Variants in SUB1 observed in about 807,000 individuals in gnomAD.
The protein encoded by SUB1 is activated RNA polymerase II transcriptional coactivator p15.
In SUB1, 1 loss-of-function variant was observed where a neutral mutation model predicts 16.9. That is an observed-to-expected ratio of 0.06 (90% CI 0.02 to 0.28). SUB1 has a LOEUF of 0.28. SUB1 is among the 10% of genes least tolerant of loss of function. SUB1 has a pLI of 1.00. For synonymous variants in SUB1, 51 were observed against 46.9 expected, an observed-to-expected ratio of 1.09 and a Z score of -0.36; for missense variants, 84 against 145.2, an observed-to-expected ratio of 0.58 and a Z score of 2.16.
At chr5:32,592,804 T>C (rs1348665727) in intron 3 of SUB1, among the ~76,000 whole-genome samples, 3 of 152,110 alleles carry the variant, frequency 2.0e-5, no homozygotes, top group African/African-American at 4.8e-5. Flanking sequence ...TAAAGCTGCC[T>C]ACTGAAGTAT....
chr5:32,594,082 G>A (rs991872287), intron 3 of SUB1, among the ~76,000 whole-genome samples: 2 of 152,138 alleles, frequency 1.3e-5, no homozygotes, highest in Non-Finnish European at 2.9e-5. Context: ...ATTACAGCTT[G>A]ATGTACATCA....
intron 2 of SUB1, among the ~76,000 whole-genome samples, chr5:32,590,647 G>T (rs528858310): frequency 2.0e-5 from 3 of 151,730 alleles, no homozygotes; most frequent in African/African-American, 7.2e-5. Flanking sequence ...CCAGGCTGGA[G>T]TGTAATGGCG....
At chr5:32,587,902 C>A (rs1738714195) in intron 1 of SUB1, among the ~76,000 whole-genome samples, 1 of 152,162 alleles carries the variant, frequency 6.6e-6, no homozygotes, top group South Asian at 2.1e-4. Flanking sequence ...AACCATCGTT[C>A]CCGGCCTGAA....
At chr5:32,591,914 G>A (rs1489611102) in intron 3 of SUB1, among the ~76,000 whole-genome samples, 2 of 152,066 alleles carry the variant, frequency 1.3e-5, no homozygotes, top group Non-Finnish European at 2.9e-5. Flanking sequence ...TGGCCAGGCT[G>A]GTCTTGAACT....
intron 3 of SUB1, chr5:32,598,176 C>T (rs1257340882): frequency 6.6e-6 from 1 of 152,170 alleles, no homozygotes; most frequent in Non-Finnish European, 1.5e-5. Flanking sequence ...CCTCAGCCTC[C>T]TGAGTAGCTG....
At chr5:32,593,034 C>T (rs965626684) in intron 3 of SUB1, among the ~76,000 whole-genome samples, 1 of 151,708 alleles carries the variant, frequency 6.6e-6, no homozygotes, top group African/African-American at 2.4e-5. Context: ...TTTTTTGAGA[C>T]AGGGTCTCTG....
chr5:32,591,848 C>T (rs541610178), intron 3 of SUB1, among the ~76,000 whole-genome samples, 163 bp downstream of exon 3: 66 of 152,148 alleles, frequency 4.3e-4, no homozygotes, highest in South Asian at 2.9e-3. Flanking sequence ...TACAGGCATC[C>T]GCCACCAGAC....
chr5:32,592,109 A>G (rs1015652858), intron 3 of SUB1, among the ~76,000 whole-genome samples: 1 of 152,254 alleles, frequency 6.6e-6, no homozygotes, highest in African/African-American at 2.4e-5. Flanking sequence ...AATCTTCTTA[A>G]CTAGGGACAT....
intron 2 of SUB1, 66 bp from the exon 3 acceptor site, chr5:32,591,497 G>T: frequency 2.0e-6 from 3 of 1,489,964 alleles, no homozygotes; most frequent in South Asian, 2.8e-5. Flanking sequence ...AAAAGTAATG[G>T]GATCTTTTGA....
intron 3 of SUB1, chr5:32,595,193 T>TAAA (rs11441009): frequency 6.0e-4 from 81 of 136,014 alleles, no homozygotes; most frequent in African/African-American, 1.9e-3. Flanking sequence ...CTTTTTTTTT[T>TAAA]AAAAAAAAAA....
chr5:32,601,961 G>T lies in SUB1; in HGVS notation c.*877G>T, dbSNP rs1739124931. On this transcript the variant is annotated 3_prime_UTR_variant, in exon 5 of 5. Coordinates refer to ENST00000265073, the MANE Select transcript of SUB1 (RefSeq NM_006713.4). ...TAATAAAAATTGTGAAAGCTTACTG[G>T]CCTAACATTTTATTTTATAATATTG... is the stretch of plus-strand genomic sequence containing the variant. 6.0e-6 allele frequency: 1 copy of T among 166,680 alleles called. No homozygotes were observed. The highest frequency in any genetic ancestry group is 1.4e-4 in the South Asian group (1 of 7,196). 10.3% of individuals were successfully genotyped at this position (166,680 alleles called of 1,614,324 possible). A position where few individuals can be genotyped will look rare whatever the true frequency, so the allele number is the denominator to read the frequency against.
At chr5:32,587,376 T>C (rs1161303529) in intron 1 of SUB1, among the ~76,000 whole-genome samples, 13 of 152,180 alleles carry the variant, frequency 8.5e-5, no homozygotes, top group Non-Finnish European at 5.9e-5. Context: ...ATAGTTTGCT[T>C]TCTGCAAACT....
chr5:32,587,234 A>C (rs781084249), intron 1 of SUB1, among the ~76,000 whole-genome samples: 17 of 152,222 alleles, frequency 1.1e-4, no homozygotes, highest in Admixed American at 1.1e-3. Context: ...AATAGGACCT[A>C]ATCTCTTCTG....
chr5:32,594,541 T>C (rs949338398), intron 3 of SUB1: 2 of 447,920 alleles, frequency 4.5e-6, no homozygotes, highest in Non-Finnish European at 9.0e-6. Flanking sequence ...AATTGTTTTT[T>C]AATTTGAGTT....
At position 32,601,136 on chromosome 5, in the gene SUB1, C is replaced by G; in HGVS notation, c.*52C>G. 1 of 1,411,646 alleles carries G rather than the reference C, an allele frequency of 7.1e-7. No homozygotes were observed. Among genetic ancestry groups the G allele is most frequent in the East Asian group, 2.3e-5 (1 of 43,088 alleles). The allele number at this position is 1,411,646 out of a possible 1,614,324, so 87.4% of individuals were successfully genotyped here. On this transcript the variant is annotated 3_prime_UTR_variant, in exon 5 of 5. Coordinates refer to ENST00000265073, the MANE Select transcript of SUB1 (RefSeq NM_006713.4). ...TACTGTTCTAGTTGTTTTAATCTGT[C>G]TTTTTACATTGGCTTTTGTTTTCTA...
intron 1 of SUB1, among the ~76,000 whole-genome samples, chr5:32,587,714 G>T (rs912533600): frequency 6.6e-6 from 1 of 151,860 alleles, no homozygotes; most frequent in African/African-American, 2.4e-5. Context: ...GTGTTGAAGC[G>T]ATTCTCCTGC....
At chr5:32,593,817 C>T (rs1738890467) in intron 3 of SUB1, among the ~76,000 whole-genome samples, 1 of 152,176 alleles carries the variant, frequency 6.6e-6, no homozygotes, top group African/African-American at 2.4e-5. Context: ...CCTCAGTCTC[C>T]TGAGTAGCTG....
intron 1 of SUB1, among the ~76,000 whole-genome samples, chr5:32,587,004 A>G (rs1738689252): frequency 6.6e-6 from 1 of 152,178 alleles, no homozygotes; most frequent in Non-Finnish European, 1.5e-5. Flanking sequence ...TTTTTTTTTA[A>G]GGAGGAATTT....
At position 32,591,808 on chromosome 5, in the gene SUB1, C is replaced by T. The variant is rs1394572739; in HGVS notation, c.195+123C>T. 4.2e-6 allele frequency: 5 copies of T among 1,181,414 alleles called. No individual in the cohort carries two copies. In the East Asian group the frequency reaches 8.9e-5, roughly 21 times the overall value. 73.2% of individuals were successfully genotyped at this position (1,181,414 alleles called of 1,614,324 possible). On this transcript the variant is annotated intron_variant, in intron 3 of 4. Coordinates refer to ENST00000265073, the MANE Select transcript of SUB1 (RefSeq NM_006713.4). ...CTCAGCCTCCTGAGTTCAAGCAGTT[C>T]TCTGCCTCAGCCTCCCGAGTAGCTA...
Sources: allele counts gnomAD v4.1 joint callset (sites outside exome capture counted in the v4.1 genomes callset), GRCh38; gene constraint gnomAD v4.1.1; transcripts MANE v1.5; gene names NCBI Gene and HGNC (gene_info 2026-07-23, HGNC 2026-07-21).